The following OPRM1 variants were observed in gnomAD, a reference collection of about 807,000 sequenced individuals.
The protein encoded by OPRM1 is opioid receptor mu 1.
In OPRM1, 27 loss-of-function variants were observed where a neutral mutation model predicts 31.8. That is an observed-to-expected ratio of 0.85 (90% CI 0.63 to 1.17). The LOEUF (loss-of-function observed/expected upper bound fraction) is 1.17. OPRM1 is among the 50% of genes most tolerant of loss of function. The pLI is 0.00. For missense variants in OPRM1, 536 were observed against 511.1 expected (o/e 1.05, Z -0.47); for synonymous variants, 196 against 189.9 (o/e 1.03, Z -0.26).
chr6:154,225,049 G>T (rs542039720), intron 3 of OPRM1, among the ~76,000 whole-genome samples: 69 of 152,244 alleles, frequency 4.5e-4, no homozygotes, highest in African/African-American at 1.6e-3. Context: ...TACAGACTGA[G>T]TATCCCTTAT....
Position 154,168,065 on chromosome 6 carries a change from G to A in OPRM1, c.1164+76593G>A. ...AGGAGATAGACTAGCTTGCTCTAATGATTTGTACAGCTTCTCCATTTCATC... is the reference window on the plus strand; with the variant it reads ...AGGAGATAGACTAGCTTGCTCTAATAATTTGTACAGCTTCTCCATTTCATC... On this transcript the variant is annotated intron_variant, in intron 3 of 3. Coordinates refer to the OPRM1 transcript ENST00000337049. This position sits in a 1 kb window ranked among gnomAD's most constrained non-coding sequence, Gnocchi z 4.1. The A allele has an allele frequency of 1.3e-6, 2 of 1,597,322 alleles. No homozygotes were observed. The highest frequency in any genetic ancestry group is 1.7e-6 in the Non-Finnish European group (2 of 1,167,900).
intron 1 of OPRM1, chr6:154,011,134 C>A: frequency 1.0e-6 from 1 of 954,014 alleles, no homozygotes; most frequent in Non-Finnish European, 1.4e-6. Context: ...TCTACCTTGT[C>A]CCTGTGATGT....
upstream of OPRM1, among the ~76,000 whole-genome samples, chr6:154,034,378 A>G (rs1162967473): frequency 6.6e-6 from 1 of 152,142 alleles, no homozygotes; most frequent in Admixed American, 6.5e-5. Context: ...CCGCGTCTCT[A>G]CTAAAAATAC....
rs151214992 is a variant in OPRM1, at chr6:154,093,698, C to T, written c.1164+2226C>T. 1.7e-4 allele frequency among the ~76,000 whole-genome samples: 26 copies of T among 152,250 alleles called. No homozygotes were observed. The East Asian group carries it at 5.0e-3, about 29-fold the overall frequency. On this transcript the variant is annotated intron_variant, in intron 3 of 3. Coordinates refer to ENST00000330432, the MANE Select transcript of OPRM1 (RefSeq NM_000914.5). ...CATTAGCCCTCGAATTGGTTGCTGT[C>T]CCAAAATGCCCAACTGAGAGAACTG...
chr6:154,062,744 T>C (rs1274888830), intron 1 of OPRM1, among the ~76,000 whole-genome samples: 1 of 152,068 alleles, frequency 6.6e-6, no homozygotes, highest in Non-Finnish European at 1.5e-5. Context: ...TTTCCATCAA[T>C]TGGTCCTAAA....
chr6:154,026,234 C>G (rs914687699), intron 1 of OPRM1, among the ~76,000 whole-genome samples: 8 of 150,626 alleles, frequency 5.3e-5, no homozygotes, highest in Admixed American at 4.0e-4. Flanking sequence ...TTTTTTCTTT[C>G]AGCACTTTAA....
chr6:154,152,347 G>GAAAGAAAGGAAAGAAAGAAAGAAA, intron 3 of OPRM1, among the ~76,000 whole-genome samples: 3 of 65,164 alleles, frequency 4.6e-5, no homozygotes, highest in African/African-American at 1.7e-4. Context: ...AAGAAAGAAA[G>GAAAGAAAGGAAAGAAAGAAAGAAA]GAAAGAAAGA....
rs1458961054 is a variant in OPRM1, at chr6:154,118,756, T to C, written c.*35T>C. 6.2e-7 allele frequency: 1 copy of C among 1,611,788 alleles called. No individual in the cohort carries two copies. ...ATGCCATTCCGACCTTCACCAAGCT[T>C]AGAAGCCACCATGTATGTGGAAGCA... On this transcript the variant is annotated 3_prime_UTR_variant, in exon 4 of 4. Transcript: ENST00000330432.
Position 154,119,040 on chromosome 6 carries a change from T to C in OPRM1, c.*319T>C. 1.8e-6 allele frequency: 2 copies of C among 1,083,390 alleles called. No homozygotes were observed. Among genetic ancestry groups the C allele is most frequent in the Non-Finnish European group, 1.1e-6 (1 of 892,902 alleles). 67.1% of individuals were successfully genotyped at this position (1,083,390 alleles called of 1,614,324 possible). The stretch of plus-strand genomic sequence containing the variant: ...TGACCCTTCTGTCTGTAAGATTTTA[T>C]TTTCAAGCAAATATTTATGACCTCA... On this transcript the variant is annotated 3_prime_UTR_variant, in exon 4 of 4. Coordinates refer to ENST00000330432, the MANE Select transcript of OPRM1 (RefSeq NM_000914.5).
intron 1 of OPRM1, among the ~76,000 whole-genome samples, chr6:154,084,006 A>G (rs1163348560): frequency 6.7e-6 from 1 of 150,240 alleles, no homozygotes; most frequent in South Asian, 2.1e-4. Context: ...CTGGTGACAC[A>G]CAGGAATGGA....
chr6:154,149,560 G>A (rs1798441670), intron 3 of OPRM1, among the ~76,000 whole-genome samples: 1 of 151,850 alleles, frequency 6.6e-6, no homozygotes, highest in Non-Finnish European at 1.5e-5. Flanking sequence ...TTCTTTTGAA[G>A]CAGCTGACCT....
At chr6:154,138,453 G>C (rs897203111) in intron 3 of OPRM1, among the ~76,000 whole-genome samples, 1 of 152,188 alleles carries the variant, frequency 6.6e-6, no homozygotes. Context: ...TCAGGACTTT[G>C]CTCAAAGTCC....
chr6:154,214,077 C>T (rs1778187233), intron 3 of OPRM1: 7 of 660,032 alleles, frequency 1.1e-5, no homozygotes, highest in Non-Finnish European at 1.9e-5. Flanking sequence ...TCTGTCTCCA[C>T]ATATTTTCAG....
intron 3 of OPRM1, among the ~76,000 whole-genome samples, chr6:154,194,171 G>A (rs1285044835): frequency 3.9e-5 from 6 of 152,198 alleles, no homozygotes; most frequent in South Asian, 2.1e-4. Flanking sequence ...AGGCCGAGGC[G>A]GGTGGATCAC....
intron 3 of OPRM1, among the ~76,000 whole-genome samples, chr6:154,193,386 T>A (rs1163969380): frequency 2.6e-5 from 4 of 152,092 alleles, no homozygotes; most frequent in African/African-American, 7.2e-5. Flanking sequence ...AGGTGACAGA[T>A]AAAAGACTAC....
At chr6:154,170,057 T>C (rs2128555749) in intron 3 of OPRM1, among the ~76,000 whole-genome samples, 1 of 152,322 alleles carries the variant, frequency 6.6e-6, no homozygotes, top group Admixed American at 6.5e-5. Flanking sequence ...TAAGCTACCC[T>C]GGCTTTGGTT....
chr6:154,044,869 C>G (rs1454717725), intron 1 of OPRM1, among the ~76,000 whole-genome samples: 1 of 152,018 alleles, frequency 6.6e-6, no homozygotes, highest in Non-Finnish European at 1.5e-5. Flanking sequence ...ATTTTAAGGT[C>G]AGATGCAAGA....
chr6:154,101,609 G>A (rs647192), intron 3 of OPRM1, among the ~76,000 whole-genome samples: 124,419 of 152,170 alleles, frequency 0.82, 51,309 homozygotes, highest in East Asian at 0.92. Flanking sequence ...GATGCAAAAT[G>A]TTCACAGTTC....
chr6:154,157,888 G>A (rs1798779005), intron 3 of OPRM1: 1 of 152,120 alleles, frequency 6.6e-6, no homozygotes, highest in Non-Finnish European at 1.5e-5. Context: ...AGGGCATCAG[G>A]GTGCAATCTG....
Sources: allele counts gnomAD v4.1 joint callset (sites outside exome capture counted in the v4.1 genomes callset), GRCh38; gene constraint gnomAD v4.1.1; non-coding constraint Gnocchi (gnomAD v3.1); transcripts MANE v1.5; gene names NCBI Gene and HGNC (gene_info 2026-07-23, HGNC 2026-07-21).